ITPR1: variants seen among roughly 807,000 people sequenced by gnomAD.
ITPR1 encodes inositol 1,4,5-trisphosphate receptor type 1, also known as inositol 1,4,5-trisphosphate-gated calcium channel ITPR1.
Under a neutral mutation model 318.4 loss-of-function variants are expected in ITPR1, and 96 were observed. The observed-to-expected ratio is 0.30, with a 90% confidence interval of 0.26 to 0.36. The LOEUF (loss-of-function observed/expected upper bound fraction) is 0.36. Ranked by LOEUF, ITPR1 falls within the 10% of genes least tolerant of loss-of-function variation. The pLI is 1.00. For missense variants in ITPR1, 2,440 were observed against 3,460.2 expected, an observed-to-expected ratio of 0.71 and a Z score of 7.40; for synonymous variants, 1,312 against 1,289.9, an observed-to-expected ratio of 1.02 and a Z score of -0.37.
At chr3:4,814,328 C>T in intron 57 of ITPR1, 95 bp from the exon 58 acceptor site, 1 of 1,266,038 alleles carries the variant, frequency 7.9e-7, no homozygotes, top group Non-Finnish European at 1.2e-6. Flanking sequence ...CTTTCGTGTG[C>T]CTGGTGAGAT....
At position 4,847,122 on chromosome 3, in the gene ITPR1, C is replaced by T. The variant is rs184906116; in HGVS notation, c.*897C>T. 120 of 152,612 alleles carry T rather than the reference C, an allele frequency of 7.9e-4. No homozygotes were observed. Among genetic ancestry groups the T allele is most frequent in the African/African-American group, 2.8e-3 (117 of 41,522 alleles). The allele number at this position is 152,612 out of a possible 1,614,324, so 9.5% of individuals were successfully genotyped here. A position where few individuals can be genotyped will look rare whatever the true frequency, so the allele number is the denominator to read the frequency against. Reference sequence around the variant, plus strand: ...TGGTTTCTAGATTATCTAGTCCAAACAATAGAGTTTATTTTTTCTTCATCT... The same window carrying T: ...TGGTTTCTAGATTATCTAGTCCAAATAATAGAGTTTATTTTTTCTTCATCT... On this transcript the variant is annotated 3_prime_UTR_variant, in exon 62 of 62. Transcript: ENST00000649015.
At position 4,706,175 on chromosome 3, in the gene ITPR1, C is replaced by T. The variant is rs746953729; in HGVS notation, c.4666C>T (p.Arg1556Trp). 13 of 1,613,884 alleles carry T rather than the reference C, an allele frequency of 8.1e-6. No homozygotes were observed. The highest frequency in any genetic ancestry group is 2.2e-5 in the East Asian group (1 of 44,894). The change falls in exon 37 of 62, where the codon CGG becomes TGG. Residue 1556 changes from arginine to tryptophan, a missense_variant. Physicochemically the swap from Arg to Trp is moderately radical, Grantham distance 101. Coordinates refer to ENST00000649015, the MANE Select transcript of ITPR1 (RefSeq NM_001378452.1). ...IRVLSDVAKS[R>W]AIAIPVDLDS... ...ATCTTTCTCCTGTGCAGCCAAGAGC[C>T]GGGCCATTGCCATTCCCGTGGACCT...
At chr3:4,692,712 T>A (rs2094498469) in intron 32 of ITPR1, among the ~76,000 whole-genome samples, 1 of 152,184 alleles carries the variant, frequency 6.6e-6, no homozygotes, top group South Asian at 2.1e-4. Flanking sequence ...ATGCCTCAAC[T>A]TTTTGAAGAG....
At chr3:4,581,364 G>T (rs887571748) in intron 4 of ITPR1, among the ~76,000 whole-genome samples, 1 of 152,182 alleles carries the variant, frequency 6.6e-6, no homozygotes, top group Non-Finnish European at 1.5e-5. Flanking sequence ...TCACTCCCTG[G>T]TGTAGGGTTA....
At chr3:4,615,534 G>A (rs111377589) in intron 4 of ITPR1, among the ~76,000 whole-genome samples, 4,804 of 151,914 alleles carry the variant, frequency 0.032, 235 homozygotes, top group African/African-American at 0.11. Flanking sequence ...GTGCCACCAC[G>A]CCTGGCTAAT....
At chr3:4,596,111 C>A (rs564042821) in intron 4 of ITPR1, 57 of 152,242 alleles carry the variant, frequency 3.7e-4, no homozygotes, top group African/African-American at 1.3e-3. Flanking sequence ...ATGCTCTTCT[C>A]AAAACTTCTC....
chr3:4,518,208 C>T (rs1220288109), intron 3 of ITPR1, among the ~76,000 whole-genome samples: 4 of 152,116 alleles, frequency 2.6e-5, no homozygotes, highest in Admixed American at 6.5e-5. Flanking sequence ...CTGGTTAAAC[C>T]TCAACCCACT....
chr3:4,803,751 T>A (rs1181093189), intron 54 of ITPR1, among the ~76,000 whole-genome samples: 1 of 152,228 alleles, frequency 6.6e-6, no homozygotes, highest in Non-Finnish European at 1.5e-5. Context: ...TCCACAGTTA[T>A]CACTTCTTTA....
chr3:4,643,606 G>C (rs113387564), intron 7 of ITPR1, among the ~76,000 whole-genome samples: 18,188 of 151,020 alleles, frequency 0.12, 1,387 homozygotes, highest in East Asian at 0.34. Flanking sequence ...TTTGGGGGGG[G>C]GGTAACTTTT....
At chr3:4,669,358 C>T (rs1470533264) in intron 18 of ITPR1, among the ~76,000 whole-genome samples, 1 of 152,208 alleles carries the variant, frequency 6.6e-6, no homozygotes, top group Non-Finnish European at 1.5e-5. Flanking sequence ...TCCCCTGTGT[C>T]TCCACCACAC....
At chr3:4,811,914 A>G (rs1257706925) in intron 56 of ITPR1, among the ~76,000 whole-genome samples, 1 of 152,242 alleles carries the variant, frequency 6.6e-6, no homozygotes, top group African/African-American at 2.4e-5. Flanking sequence ...TCATCAGATC[A>G]TGGTACATCC....
Position 4,572,873 on chromosome 3 carries a change from A to G in ITPR1, c.163+51779A>G, listed in dbSNP as rs997725049. Among the ~76,000 whole-genome samples the G allele has an allele frequency of 4.6e-5, 7 of 152,328 alleles. 1 individual carries two copies. ...TTTTTGTGACTGGCTTATTTCCCAT[A>G]GCAGAATGTCTTAATAGTTGATCAG... On this transcript the variant is annotated intron_variant, in intron 4 of 61. Transcript: ENST00000649015.
chr3:4,838,274 T>C (rs780394838), intron 61 of ITPR1, among the ~76,000 whole-genome samples: 1 of 152,142 alleles, frequency 6.6e-6, no homozygotes, highest in Non-Finnish European at 1.5e-5. Flanking sequence ...AAATGAGTAA[T>C]AACCTAAATA....
chr3:4,778,171 T>A (rs1353957768), intron 48 of ITPR1, among the ~76,000 whole-genome samples: 1 of 152,220 alleles, frequency 6.6e-6, no homozygotes, highest in African/African-American at 2.4e-5. Flanking sequence ...CCCTCCCTTC[T>A]ATGTAGGGGT....
intron 5 of ITPR1, among the ~76,000 whole-genome samples, chr3:4,633,410 G>A (rs547486044): frequency 6.6e-6 from 1 of 152,298 alleles, no homozygotes; most frequent in Non-Finnish European, 1.5e-5. Flanking sequence ...GGAACTGATG[G>A]CCAGTCTCCA....
intron 51 of ITPR1, among the ~76,000 whole-genome samples, chr3:4,784,726 CAAAA>C (rs34856837): frequency 0.3 from 33,249 of 110,000 alleles, 4,253 homozygotes; most frequent in Non-Finnish European, 0.34. Context: ...ACTAAAAATA[CAAAA>C]AAAAAAAAAA....
intron 12 of ITPR1, among the ~76,000 whole-genome samples, chr3:4,655,883 C>T (rs570112791): frequency 1.2e-4 from 19 of 152,220 alleles, no homozygotes; most frequent in South Asian, 4.1e-4. Flanking sequence ...CAGATCTGCC[C>T]GGTGGCAAGG....
At chr3:4,517,154 G>C (rs1234461565) in intron 3 of ITPR1, among the ~76,000 whole-genome samples, 1 of 152,078 alleles carries the variant, frequency 6.6e-6, no homozygotes, top group Non-Finnish European at 1.5e-5. Flanking sequence ...ACTTTTAAGG[G>C]TATAAATATA....
At chr3:4,493,775 T>C (rs1286373684) in intron 1 of ITPR1, among the ~76,000 whole-genome samples, 170 bp downstream of exon 1, 1 of 152,100 alleles carries the variant, frequency 6.6e-6, no homozygotes, top group African/African-American at 2.4e-5. Flanking sequence ...ATTTGAAGCT[T>C]AAAAAACAAA....
Sources: gnomAD v4.1 joint callset for allele counts (sites outside exome capture counted in the v4.1 genomes callset) on GRCh38, gnomAD v4.1.1 for gene constraint, MANE v1.5 for transcripts, NCBI Gene and HGNC (gene_info 2026-07-23, HGNC 2026-07-21) for gene names.